KCNIP4: variants seen among roughly 807,000 people sequenced by gnomAD.
KCNIP4 encodes potassium voltage-gated channel interacting protein 4.
KCNIP4 carries 12 observed loss-of-function variants against 34.0 expected under a neutral mutation model. The observed-to-expected ratio is 0.35, with a 90% CI of 0.23 to 0.57. KCNIP4 has a LOEUF of 0.57. Ranked by LOEUF, KCNIP4 falls within the 20% of genes least tolerant of loss-of-function variation. The pLI is 0.83. For synonymous variants in KCNIP4, 124 were observed against 102.2 expected (o/e 1.21, Z -1.29); for missense variants, 238 against 311.7 (o/e 0.76, Z 1.78).
intron 1 of KCNIP4, among the ~76,000 whole-genome samples, chr4:21,416,341 T>G (rs879442413): frequency 1.1e-4 from 16 of 152,202 alleles, no homozygotes; most frequent in Non-Finnish European, 1.8e-4. Context: ...GCATGTCTAG[T>G]GTTTCACTTT....
rs144328129 is a variant in KCNIP4, at chr4:21,784,004, A to G, written c.61+164567T>C. ...GTTTTCACACTGCTATAAAGATACT[A>G]CCTGAGGCTGGGTAATTTATCAAGG... On this transcript the variant is annotated intron_variant, in intron 1 of 8. Transcript: ENST00000382152. Among the ~76,000 whole-genome samples, 76 of 152,252 alleles carry G rather than the reference A, an allele frequency of 5.0e-4. 1 individual carries two copies. In the East Asian group the frequency reaches 0.014, roughly 29 times the overall value.
intron 1 of KCNIP4, among the ~76,000 whole-genome samples, chr4:21,078,479 A>G (rs1162588604): frequency 6.6e-6 from 1 of 151,940 alleles, no homozygotes; most frequent in Non-Finnish European, 1.5e-5. Flanking sequence ...AGAGAGAGAG[A>G]GATCATCTCT....
At chr4:21,837,923 T>A (rs1264619332) in intron 1 of KCNIP4, among the ~76,000 whole-genome samples, 1 of 152,168 alleles carries the variant, frequency 6.6e-6, no homozygotes, top group African/African-American at 2.4e-5. Flanking sequence ...GCCAATTATC[T>A]CCAGGCATGT....
chr4:20,918,263 C>T (rs1729040885), intron 1 of KCNIP4, among the ~76,000 whole-genome samples: 1 of 152,086 alleles, frequency 6.6e-6, no homozygotes, highest in Admixed American at 6.6e-5. Flanking sequence ...AACCTCTCCA[C>T]TGGGAAGCTG....
chr4:20,982,953 G>C (rs945416467), intron 1 of KCNIP4, among the ~76,000 whole-genome samples: 1 of 152,226 alleles, frequency 6.6e-6, no homozygotes, highest in Non-Finnish European at 1.5e-5. Context: ...TAGGAAGAAA[G>C]AGGAGATTGC....
intron 1 of KCNIP4, among the ~76,000 whole-genome samples, chr4:21,654,416 G>A (rs937146688): frequency 6.6e-6 from 1 of 152,082 alleles, no homozygotes; most frequent in African/African-American, 2.4e-5. Context: ...GGACATAGAT[G>A]CATTCACCTA....
intron 1 of KCNIP4, among the ~76,000 whole-genome samples, chr4:21,372,569 ACT>A (rs2109444707): frequency 6.8e-6 from 1 of 147,264 alleles, no homozygotes; most frequent in East Asian, 2.0e-4. Flanking sequence ...TAGATTCTAC[ACT>A]GTTTGGGAAT....
intron 1 of KCNIP4, among the ~76,000 whole-genome samples, chr4:21,376,595 A>G (rs941421628): frequency 6.6e-6 from 1 of 152,226 alleles, no homozygotes; most frequent in Non-Finnish European, 1.5e-5. Flanking sequence ...AAATGTCTCC[A>G]TCTCCCACAT....
At chr4:21,291,246 G>A (rs1337099190) in intron 1 of KCNIP4, among the ~76,000 whole-genome samples, 3 of 152,136 alleles carry the variant, frequency 2.0e-5, no homozygotes, top group African/African-American at 7.2e-5. Flanking sequence ...TCTTCAATGA[G>A]CTCAATGCAT....
intron 1 of KCNIP4, among the ~76,000 whole-genome samples, chr4:21,024,692 A>G (rs985739556): frequency 3.3e-5 from 5 of 152,160 alleles, no homozygotes; most frequent in Admixed American, 2.6e-4. Flanking sequence ...AGTTTTCTTT[A>G]ATGGTCTCTT....
At position 20,975,124 on chromosome 4, in the gene KCNIP4, G is replaced by A. The variant is rs150579472; in HGVS notation, c.62-92415C>T. ...AAGATCACAGCCAGTAAAAGGAAAA[G>A]CTGGAAATGAACTCTAGGTCTGTCT... On this transcript the variant is annotated intron_variant, in intron 1 of 8. Coordinates refer to ENST00000382152, the MANE Select transcript of KCNIP4 (RefSeq NM_025221.6). Among the ~76,000 whole-genome samples, 494 of 152,288 alleles carry A rather than the reference G, an allele frequency of 3.2e-3. 3 individuals are homozygous for A. The highest frequency in any genetic ancestry group is 0.011 in the African/African-American group (470 of 41,560).
chr4:21,529,351 G>T (rs116072925), intron 1 of KCNIP4, among the ~76,000 whole-genome samples: 1 of 152,076 alleles, frequency 6.6e-6, no homozygotes, highest in Non-Finnish European at 1.5e-5. Flanking sequence ...ACTCAGTGAC[G>T]GAACATCAAG....
chr4:21,336,403 T>C (rs1275327741), intron 1 of KCNIP4, among the ~76,000 whole-genome samples: 2 of 152,132 alleles, frequency 1.3e-5, no homozygotes, highest in South Asian at 4.1e-4. Flanking sequence ...TACTGAGAAA[T>C]GAACACCTTC....
chr4:20,915,178 C>G (rs1488497538), intron 1 of KCNIP4, among the ~76,000 whole-genome samples: 2 of 152,216 alleles, frequency 1.3e-5, no homozygotes, highest in African/African-American at 4.8e-5. Context: ...ATGAACATTT[C>G]TCTTACGTAC....
rs559782644 is a variant in KCNIP4 at position 21,234,375 on chromosome 4, AT to A, written c.62-351667del. Among the ~76,000 whole-genome samples, 15 of 110,660 alleles carry A rather than the reference AT, an allele frequency of 1.4e-4. 2 individuals are homozygous for A. The highest frequency in any genetic ancestry group is 5.3e-4 in the African/African-American group (15 of 28,292). The allele number at this position is 110,660 out of a possible 152,430, so 72.6% of individuals were successfully genotyped here. A position where few individuals can be genotyped will look rare whatever the true frequency, so the allele number is the denominator to read the frequency against. On this transcript the variant is annotated intron_variant, in intron 1 of 8. Transcript: ENST00000382152. ...ATATATAACATATATAATATATAAC[AT>A]ACATCATACATAACATATATAATAT...
At chr4:21,575,704 C>T (rs941797486) in intron 1 of KCNIP4, among the ~76,000 whole-genome samples, 1 of 152,114 alleles carries the variant, frequency 6.6e-6, no homozygotes, top group Admixed American at 6.5e-5. Context: ...TTTTATATTG[C>T]AATCTTCGTG....
intron 3 of KCNIP4, among the ~76,000 whole-genome samples, chr4:20,777,137 T>C (rs1756442763): frequency 6.6e-6 from 1 of 152,162 alleles, no homozygotes; most frequent in Non-Finnish European, 1.5e-5. Flanking sequence ...AATTGACTCA[T>C]AGTTCCACAG....
At chr4:20,845,603 G>A (rs1462301863) in intron 3 of KCNIP4, among the ~76,000 whole-genome samples, 3 of 152,108 alleles carry the variant, frequency 2.0e-5, no homozygotes, top group Admixed American at 6.6e-5. Flanking sequence ...AATTAGATGC[G>A]CACATAACAC....
chr4:20,935,376 C>T (rs1730960159), intron 1 of KCNIP4, among the ~76,000 whole-genome samples: 1 of 152,140 alleles, frequency 6.6e-6, no homozygotes, highest in Non-Finnish European at 1.5e-5. Context: ...CTTCCAAGCG[C>T]TTGCCAAATG....
Sources: allele counts gnomAD v4.1 joint callset (sites outside exome capture counted in the v4.1 genomes callset), GRCh38; gene constraint gnomAD v4.1.1; transcripts MANE v1.5; gene names NCBI Gene and HGNC (gene_info 2026-07-23, HGNC 2026-07-21).